PBX1: variants seen among roughly 807,000 people sequenced by gnomAD.
PBX1 encodes pre-B-cell leukemia transcription factor 1.
In PBX1, 6 loss-of-function variants were observed where a neutral mutation model predicts 53.4. The observed-to-expected ratio is 0.11, with a 90% CI of 0.06 to 0.22. The LOEUF is 0.22. Among genes scored for constraint, PBX1 ranks in the 10% least tolerant of loss-of-function variants. PBX1 has a pLI of 1.00. For synonymous variants in PBX1, 204 were observed against 212.3 expected (o/e 0.96, Z 0.34); for missense variants, 251 against 551.4 (o/e 0.46, Z 5.46).
At chr1:164,648,450 A>G (rs1382268576) in intron 2 of PBX1, among the ~76,000 whole-genome samples, 2 of 152,202 alleles carry the variant, frequency 1.3e-5, no homozygotes, top group East Asian at 3.9e-4. Flanking sequence ...AGTGTTAGCC[A>G]CATGCCAGCT....
chr1:164,689,073 T>C (rs61801263), intron 2 of PBX1, among the ~76,000 whole-genome samples: 10,330 of 152,284 alleles, frequency 0.068, 471 homozygotes, highest in South Asian at 0.15. Flanking sequence ...GAATGAGTAA[T>C]TGGGACTCGC....
At chr1:164,606,364 C>T (rs1401513182) in intron 2 of PBX1, among the ~76,000 whole-genome samples, 1 of 152,174 alleles carries the variant, frequency 6.6e-6, no homozygotes, top group Non-Finnish European at 1.5e-5. Context: ...GTGGTGGACG[C>T]CTGTATTCCC....
intron 2 of PBX1, among the ~76,000 whole-genome samples, chr1:164,752,240 G>GTGTT (rs1553240585): frequency 2.0e-5 from 3 of 150,278 alleles, no homozygotes; most frequent in Non-Finnish European, 3.0e-5. Flanking sequence ...GTGTGTGTGT[G>GTGTT]TGTGTGCCCT....
intron 2 of PBX1, among the ~76,000 whole-genome samples, chr1:164,622,290 CT>C (rs59417624): frequency 0.18 from 27,100 of 152,046 alleles, 2,717 homozygotes; most frequent in Non-Finnish European, 0.24. Context: ...CTGGGCCGCA[CT>C]GTTGTGAGTG....
chr1:164,679,714 C>A (rs1027113025), intron 2 of PBX1, among the ~76,000 whole-genome samples: 1 of 152,138 alleles, frequency 6.6e-6, no homozygotes, highest in Admixed American at 6.5e-5. Flanking sequence ...TTGCTATTAT[C>A]GTATGTTTCA....
intron 2 of PBX1, among the ~76,000 whole-genome samples, chr1:164,591,660 T>C (rs1037744134): frequency 6.6e-6 from 1 of 152,214 alleles, no homozygotes. Context: ...GATGAGCTTG[T>C]GTGCATATTA....
At chr1:164,714,053 G>A (rs552251523) in intron 2 of PBX1, among the ~76,000 whole-genome samples, 18 of 152,320 alleles carry the variant, frequency 1.2e-4, no homozygotes, top group Middle Eastern at 3.4e-3. Flanking sequence ...GGTTCCAAAT[G>A]TTGTGAAATT....
rs1180088070 is a variant in PBX1, at chr1:164,642,571, T to G, written c.265+79260T>G. ...TACTGTATCCTGGCCCCATGAAATCTGTGGTAGATGGTAAGTGTTCAGTAT... is the reference window on the plus strand; with the variant it reads ...TACTGTATCCTGGCCCCATGAAATCGGTGGTAGATGGTAAGTGTTCAGTAT... On this transcript the variant is annotated intron_variant, in intron 2 of 8. Transcript: ENST00000420696. 3 of 152,196 alleles carry G rather than the reference T, an allele frequency of 2.0e-5. No individual in the cohort carries two copies. In the East Asian group the frequency reaches 5.8e-4, roughly 29 times the overall value. The allele number at this position is 152,196 out of a possible 1,614,324, so 9.4% of individuals were successfully genotyped here. A position where few individuals can be genotyped will look rare whatever the true frequency, so the allele number is the denominator to read the frequency against.
chr1:164,877,717 C>T (rs2102462093), intron 2 of PBX1, among the ~76,000 whole-genome samples: 1 of 152,108 alleles, frequency 6.6e-6, no homozygotes, highest in East Asian at 1.9e-4. Context: ...TTATGCTCAA[C>T]TTCATTGAAC....
intron 2 of PBX1, among the ~76,000 whole-genome samples, chr1:164,594,419 C>T (rs1050153690): frequency 1.3e-5 from 2 of 152,076 alleles, no homozygotes; most frequent in Non-Finnish European, 2.9e-5. Flanking sequence ...CTCAGCTTAC[C>T]GAGTAGCTGG....
At chr1:164,742,358 A>G (rs911973757) in intron 2 of PBX1, among the ~76,000 whole-genome samples, 1 of 152,186 alleles carries the variant, frequency 6.6e-6, no homozygotes, top group Non-Finnish European at 1.5e-5. Flanking sequence ...CCTGGCCAAC[A>G]TGGCAAAACC....
intron 2 of PBX1, among the ~76,000 whole-genome samples, chr1:164,649,543 G>C (rs1038181648): frequency 6.6e-6 from 1 of 152,116 alleles, no homozygotes; most frequent in African/African-American, 2.4e-5. Context: ...GTTTTCTGGT[G>C]TTAGTTGTTC....
At chr1:164,605,797 C>A (rs1256782906) in intron 2 of PBX1, among the ~76,000 whole-genome samples, 1 of 152,144 alleles carries the variant, frequency 6.6e-6, no homozygotes, top group Non-Finnish European at 1.5e-5. Flanking sequence ...ATAAAGTAAA[C>A]AACATCTATT....
intron 2 of PBX1, chr1:164,769,968 G>A (rs950983787): frequency 2.0e-5 from 3 of 152,114 alleles, no homozygotes; most frequent in African/African-American, 7.2e-5. Flanking sequence ...GTAAGCCCAG[G>A]GTAGTGCAAA....
intron 2 of PBX1, among the ~76,000 whole-genome samples, chr1:164,626,876 G>A (rs566219389): frequency 6.6e-6 from 1 of 152,276 alleles, no homozygotes; most frequent in Admixed American, 6.5e-5. Context: ...TATAATAAAG[G>A]TGGGGAATCT....
rs762505114 is a variant in PBX1, at chr1:164,846,680, C to T, written c.*4C>T. On this transcript the variant is annotated 3_prime_UTR_variant, in exon 9 of 9. Coordinates refer to ENST00000420696, the MANE Select transcript of PBX1 (RefSeq NM_002585.4). ...TCACTCTGATACCTCCAACTGATCTCCCAGCAATCGCATCCCGGCTGACCC... is the reference window on the plus strand; with the variant it reads ...TCACTCTGATACCTCCAACTGATCTTCCAGCAATCGCATCCCGGCTGACCC... The T allele has an allele frequency of 2.5e-6, 4 of 1,613,980 alleles. No individual in the cohort carries two copies. The African/African-American group carries it at 5.3e-5, about 22-fold the overall frequency.
rs767622214 is a variant in PBX1 at position 164,677,083 on chromosome 1, AT to A, written c.265+113792del. Among the ~76,000 whole-genome samples, 433 of 99,718 alleles carry A rather than the reference AT, an allele frequency of 4.3e-3. 5 individuals are homozygous for A. Among genetic ancestry groups the A allele is most frequent in the African/African-American group, 0.014 (380 of 26,270 alleles). 65.4% of individuals were successfully genotyped at this position (99,718 alleles called of 152,430 possible). ...ATCTTCTTTGCATATACTGCTTGAC[AT>A]TTTTTTTTTTTTTTTTTTTAAGACG... On this transcript the variant is annotated intron_variant, in intron 2 of 8. Transcript: ENST00000420696.
rs528669380 is a variant in PBX1, at chr1:164,680,310, G to A, written c.266-112184G>A. ...AATTTTAAGCAAAGCCCATACTCCT[G>A]TTTTGGGGATATCTGAAAGAGAGAG... is the stretch of plus-strand genomic sequence containing the variant. On this transcript the variant is annotated intron_variant, in intron 2 of 8. Coordinates refer to ENST00000420696, the MANE Select transcript of PBX1 (RefSeq NM_002585.4). 2 of 152,306 alleles carry A rather than the reference G, an allele frequency of 1.3e-5. 1 individual carries two copies. The highest frequency in any genetic ancestry group is 4.1e-4 in the South Asian group (2 of 4,832). 9.4% of individuals were successfully genotyped at this position (152,306 alleles called of 1,614,324 possible). A position where few individuals can be genotyped will look rare whatever the true frequency, so the allele number is the denominator to read the frequency against.
intron 2 of PBX1, chr1:164,684,457 A>C (rs761839855): frequency 2.4e-4 from 37 of 152,308 alleles, no homozygotes; most frequent in Non-Finnish European, 4.0e-4. Context: ...AGCAGGCTTA[A>C]AAAAATGCTT....
Sources: allele counts gnomAD v4.1 joint callset (sites outside exome capture counted in the v4.1 genomes callset), GRCh38; gene constraint gnomAD v4.1.1; transcripts MANE v1.5; gene names NCBI Gene and HGNC (gene_info 2026-07-23, HGNC 2026-07-21).